The following DNAH10 variants were observed in gnomAD, a reference collection of about 807,000 sequenced individuals.
DNAH10 encodes the protein axonemal beta dynein heavy chain 10.
In DNAH10, 348 loss-of-function variants were observed where a neutral mutation model predicts 506.6. The observed-to-expected ratio is 0.69, with a 90% confidence interval of 0.63 to 0.75. DNAH10 has a LOEUF of 0.75. Ranked by LOEUF, DNAH10 falls within the 30% of genes least tolerant of loss-of-function variation. DNAH10 has a pLI of 0.00. For missense variants in DNAH10, 5,179 were observed against 5,787.1 expected (o/e 0.89, Z 3.41); for synonymous variants, 2,059 against 2,198.6 (o/e 0.94, Z 1.78).
In DNAH10 at chr12:123,864,599, A is replaced by G. The variant is rs1355518267; in HGVS notation, c.6913A>G (p.Ile2305Val). Residue 2305 changes from isoleucine to valine, a missense_variant, in exon 40 of 79, where the codon ATT becomes GTT. By Grantham distance (29) the Ile-to-Val change is conservative. Coordinates refer to ENST00000673944, the MANE Select transcript of DNAH10 (RefSeq NM_001372106.1). Reference sequence around the variant, plus strand: ...TCCTTTCTTTGGTTGCTGCAGGTATATTTTATTTGATGGTGATGTGGATGC... The same window carrying G: ...TCCTTTCTTTGGTTGCTGCAGGTATGTTTTATTTGATGGTGATGTGGATGC... The part of the protein sequence containing the change: ...KPTDKKERKY[I>V]LFDGDVDALW... 2.5e-6 allele frequency: 4 copies of G among 1,613,518 alleles called. No individual in the cohort carries two copies. Among genetic ancestry groups the G allele is most frequent in the Non-Finnish European group, 2.5e-6 (3 of 1,179,754 alleles).
intron 71 of DNAH10, 61 bp from the exon 72 acceptor site, chr12:123,929,603 T>A: frequency 6.3e-7 from 1 of 1,578,126 alleles, no homozygotes; most frequent in Non-Finnish European, 8.6e-7. Context: ...TTCAGAAAAG[T>A]ATCAGAATGT....
intron 25 of DNAH10, among the ~76,000 whole-genome samples, chr12:123,829,285 T>G (rs946635113): frequency 6.6e-6 from 1 of 152,018 alleles, no homozygotes; most frequent in Non-Finnish European, 1.5e-5. Flanking sequence ...GCACAGAAAG[T>G]GGGGGCATCG....
intron 19 of DNAH10, among the ~76,000 whole-genome samples, chr12:123,809,461 C>T (rs563673983): frequency 2.6e-5 from 4 of 152,178 alleles, no homozygotes; most frequent in African/African-American, 9.6e-5. Flanking sequence ...GCCTGTGCAA[C>T]ATGGTGAGAC....
Position 123,881,792 on chromosome 12 carries a change from T to C in DNAH10, c.8802T>C (p.Ala2934=). The stretch of plus-strand genomic sequence containing the variant: ...GGAAGCAGTCTCTTTCGAGGCTGGC[T>C]GCCTTCACAGCCAGCTGTGAGGTCA... ...GSGKQSLSRL[A]AFTASCEVFE... Residue 2934 remains alanine, a synonymous_variant, in exon 51 of 79, where the codon GCT becomes GCC. Transcript: ENST00000673944. 2.0e-6 allele frequency: 3 copies of C among 1,515,662 alleles called. No individual in the cohort carries two copies. Among genetic ancestry groups the C allele is most frequent in the Non-Finnish European group, 2.7e-6 (3 of 1,131,692 alleles). 93.9% of individuals were successfully genotyped at this position (1,515,662 alleles called of 1,614,324 possible).
Position 123,782,207 on chromosome 12 carries a change from TTC to T in DNAH10, c.842-896_842-895del, listed in dbSNP as rs566230238. Among the ~76,000 whole-genome samples the T allele has an allele frequency of 1.6e-3, 246 of 152,150 alleles. 1 individual carries two copies. Among genetic ancestry groups the T allele is most frequent in the Non-Finnish European group, 1.8e-3 (122 of 67,990 alleles). On this transcript the variant is annotated intron_variant, in intron 6 of 78. Coordinates refer to ENST00000673944, the MANE Select transcript of DNAH10 (RefSeq NM_001372106.1). ...TATTTTTAATTTTTAAGACCTCTGA[TTC>T]TCTGATTGTATCTTTTTTCATAGCA...
chr12:123,876,352 G>T (rs1952254358), intron 47 of DNAH10, among the ~76,000 whole-genome samples: 1 of 152,164 alleles, frequency 6.6e-6, no homozygotes. Context: ...AAAAAATCAG[G>T]CCCGGTGCAG....
intron 14 of DNAH10, 73 bp downstream of exon 14, chr12:123,799,444 A>G (rs1265262087): frequency 6.6e-7 from 1 of 1,522,002 alleles, no homozygotes; most frequent in African/African-American, 1.4e-5. Flanking sequence ...TCAAGGCTTG[A>G]TTTGTTGACA....
Position 123,803,721 on chromosome 12 carries a change from A to G in DNAH10, c.2675A>G (p.His892Arg). The G allele has an allele frequency of 6.2e-7, 1 of 1,611,602 alleles. No homozygotes were observed. The highest frequency in any genetic ancestry group is 8.5e-7 in the Non-Finnish European group (1 of 1,179,306). ...QAIGKFESLV[H>R]QIHKNADDIS... ...ATTGGGAAATTTGAGTCTCTCGTCCACCAGATTCATAAGAATGCAGATGAC... is the reference window on the plus strand; with the variant it reads ...ATTGGGAAATTTGAGTCTCTCGTCCGCCAGATTCATAAGAATGCAGATGAC... The change falls in exon 17 of 79, where the codon CAC (histidine) becomes CGC (arginine). Residue 892 changes from histidine (H) to arginine (R), a missense_variant. His to Arg is a conservative substitution (Grantham distance 29). Around this residue, in one of 3 missense-constraint regions of DNAH10, gnomAD observed 4,844 missense variants for 5,430.5 expected, o/e 0.89. Transcript: ENST00000673944.
intron 5 of DNAH10, among the ~76,000 whole-genome samples, chr12:123,776,890 A>G (rs1253638868): frequency 6.6e-6 from 1 of 152,184 alleles, no homozygotes; most frequent in Non-Finnish European, 1.5e-5. Flanking sequence ...TACATTAACC[A>G]AGATCAATGA....
Position 123,913,408 on chromosome 12 carries a change from GT to G in DNAH10, c.10352+98del. On this transcript the variant is annotated intron_variant, in intron 60 of 78. Coordinates refer to ENST00000673944, the MANE Select transcript of DNAH10 (RefSeq NM_001372106.1). This position sits in a 1 kb window ranked among gnomAD's most constrained non-coding sequence, Gnocchi z 5.1. Reference sequence around the variant, plus strand: ...ATGTTGATTCTTTATCTCACGTTGTGTTTTTATGTGAAAACCATGTGACCAG... The same window carrying G: ...ATGTTGATTCTTTATCTCACGTTGTGTTTTATGTGAAAACCATGTGACCAG... 1 of 1,333,350 alleles carries G rather than the reference GT, an allele frequency of 7.5e-7. No individual in the cohort carries two copies. The highest frequency in any genetic ancestry group is 1.0e-6 in the Non-Finnish European group (1 of 994,652). 82.6% of individuals were successfully genotyped at this position (1,333,350 alleles called of 1,614,324 possible). A position where few individuals can be genotyped will look rare whatever the true frequency, so the allele number is the denominator to read the frequency against.
At chr12:123,803,622 T>G (rs1958551813) in intron 16 of DNAH10, 39 bp from the exon 17 acceptor site, 4 of 1,484,654 alleles carry the variant, frequency 2.7e-6, no homozygotes, top group Non-Finnish European at 3.6e-6. Context: ...AAAGACAGAG[T>G]TGGAAGCCAA....
intron 40 of DNAH10, among the ~76,000 whole-genome samples, chr12:123,865,305 A>G (rs544424294): frequency 1.3e-5 from 2 of 151,540 alleles, no homozygotes; most frequent in African/African-American, 2.4e-5. Context: ...TATTCTGTCG[A>G]GCCCCTTTAT....
At chr12:123,895,793 G>A (rs1953191565) in intron 54 of DNAH10, among the ~76,000 whole-genome samples, 1 of 152,078 alleles carries the variant, frequency 6.6e-6, no homozygotes, top group Non-Finnish European at 1.5e-5. Flanking sequence ...CCTAGAATTT[G>A]CTTAGAACTT....
rs185103772 is a variant in DNAH10, at chr12:123,845,972, A to G, written c.5632A>G (p.Ile1878Val). 1.2e-4 allele frequency: 197 copies of G among 1,613,884 alleles called. 1 individual carries two copies. Among genetic ancestry groups the G allele is most frequent in the South Asian group, 9.2e-4 (84 of 91,074 alleles). Residue 1878 changes from isoleucine (I) to valine (V), a missense_variant and splice_region_variant, in exon 32 of 79, where the codon ATC becomes GTC. Transcript: ENST00000673944. ...DIVDSFIRGS[I>V]LEAREFDWES... ...TCCTCCACCTTTCTTGCCGTCCAGT[A>G]TCCTGGAGGCCCGAGAGTTTGACTG...
rs1381199807 is a variant in DNAH10, at chr12:123,917,002, C to T, written c.11002+266C>T. The stretch of plus-strand genomic sequence containing the variant: ...GGGATGGGACCTCTGACTGTGGGGG[C>T]AGGAAGTTACTCTATATTCGTGTAT... On this transcript the variant is annotated intron_variant, in intron 63 of 78. Transcript: ENST00000673944. This position sits in a 1 kb window ranked among gnomAD's most constrained non-coding sequence, Gnocchi z 5.6. Among the ~76,000 whole-genome samples, 2 of 152,068 alleles carry T rather than the reference C, an allele frequency of 1.3e-5. No individual in the cohort carries two copies. Among genetic ancestry groups the T allele is most frequent in the Admixed American group, 1.3e-4 (2 of 15,280 alleles).
intron 30 of DNAH10, among the ~76,000 whole-genome samples, chr12:123,845,144 C>T (rs533229203): frequency 7.9e-5 from 12 of 152,106 alleles, no homozygotes; most frequent in East Asian, 3.9e-4. Context: ...TACAGGCATG[C>T]GTCATTATGC....
rs898146510 is a variant in DNAH10, at chr12:123,928,158, A to T, written c.12106-229A>T. ...GGAGGCAGATGAGTGCAAAATGCTC[A>T]CCCATCTTCCAGGCTGGGTGTGACC... is the stretch of plus-strand genomic sequence containing the variant. On this transcript the variant is annotated intron_variant, in intron 69 of 78. Coordinates refer to ENST00000673944, the MANE Select transcript of DNAH10 (RefSeq NM_001372106.1). The surrounding 1 kb of genome is among the most constrained non-coding windows in gnomAD (Gnocchi z 4.9). 6 of 598,266 alleles carry T rather than the reference A, an allele frequency of 1.0e-5. No individual in the cohort carries two copies. The highest frequency in any genetic ancestry group is 1.8e-5 in the Non-Finnish European group (6 of 337,884). 37.1% of individuals were successfully genotyped at this position (598,266 alleles called of 1,614,324 possible).
At chr12:123,898,946 G>A in intron 56 of DNAH10, 132 bp downstream of exon 56, 18 of 1,354,392 alleles carry the variant, frequency 1.3e-5, no homozygotes, top group East Asian at 2.7e-5. Context: ...GAAACTGCTT[G>A]TAGGCACTGA....
At chr12:123,867,077 C>G (rs543642936) in intron 41 of DNAH10, among the ~76,000 whole-genome samples, 2 of 152,220 alleles carry the variant, frequency 1.3e-5, no homozygotes, top group African/African-American at 4.8e-5. Context: ...TCTCAGGACC[C>G]TTGCAATCCC....
Sources: allele counts gnomAD v4.1 joint callset (sites outside exome capture counted in the v4.1 genomes callset), GRCh38; gene constraint gnomAD v4.1.1; regional missense constraint gnomAD v4.1.1; non-coding constraint Gnocchi (gnomAD v3.1); transcripts MANE v1.5; gene names NCBI Gene and HGNC (gene_info 2026-07-23, HGNC 2026-07-21).